Variants in RMST observed in about 807,000 individuals in gnomAD.
The protein encoded by RMST is rhabdomyosarcoma 2 associated transcript.
chr12:97,559,082 C>T (rs367557682), intron 11 of RMST, among the ~76,000 whole-genome samples: 1 of 137,086 alleles, frequency 7.3e-6, no homozygotes, highest in Non-Finnish European at 1.6e-5. Context: ...AATATGATTT[C>T]GAGGTTTCTC....
In RMST at chr12:97,521,663, T is replaced by C. The variant is rs192892734; in HGVS notation, n.1341-8992T>C. Among the ~76,000 whole-genome samples, 401 of 152,268 alleles carry C rather than the reference T, an allele frequency of 2.6e-3. 6 individuals carry two copies. Among genetic ancestry groups the C allele is most frequent in the South Asian group, 0.02 (95 of 4,830 alleles). ...CCTGAACTGGGGAGATTTTCATCAC[T>C]ATTTTTGTACTTCCCATATGGAATC... is the stretch of plus-strand genomic sequence containing the variant. On this transcript the variant is annotated intron_variant and non_coding_transcript_variant, in intron 10 of 13. Coordinates refer to ENST00000640149, the Ensembl canonical transcript of RMST.
chr12:97,506,706 T>C (rs1878713768), intron 10 of RMST, among the ~76,000 whole-genome samples: 3 of 140,518 alleles, frequency 2.1e-5, no homozygotes, highest in South Asian at 2.3e-4. Context: ...TTTTTGGAGA[T>C]GTAGTCTTGC....
At chr12:97,482,840 T>C (rs906280525) in intron 5 of RMST, among the ~76,000 whole-genome samples, 6 of 147,680 alleles carry the variant, frequency 4.1e-5, no homozygotes, top group Admixed American at 3.4e-4. Context: ...TAAATAAATT[T>C]ATTTATTTAT....
intron 11 of RMST, among the ~76,000 whole-genome samples, chr12:97,548,406 A>AT (rs989178521): frequency 3.9e-5 from 6 of 151,926 alleles, no homozygotes; most frequent in Non-Finnish European, 7.4e-5. Flanking sequence ...AAATTTTAGG[A>AT]TTTTTTTCTG....
At chr12:97,470,601 G>T (rs1371664431) in intron 5 of RMST, among the ~76,000 whole-genome samples, 1 of 151,960 alleles carries the variant, frequency 6.6e-6, no homozygotes, top group African/African-American at 2.4e-5. Flanking sequence ...ATACATTTTT[G>T]ATTCTTCCTG....
At chr12:97,533,612 C>CA (rs1222347799) in intron 11 of RMST, 2 of 151,718 alleles carry the variant, frequency 1.3e-5, no homozygotes, top group East Asian at 1.9e-4. Context: ...CACATTTCTT[C>CA]AAAAAACTGT....
intron 10 of RMST, among the ~76,000 whole-genome samples, chr12:97,520,634 GA>G (rs1357520785): frequency 6.6e-6 from 1 of 151,956 alleles, no homozygotes; most frequent in African/African-American, 2.4e-5. Context: ...AAACTTTCTT[GA>G]AAAATCCCCC....
intron 10 of RMST, among the ~76,000 whole-genome samples, chr12:97,496,555 G>T (rs1593180501): frequency 6.6e-6 from 1 of 152,104 alleles, no homozygotes; most frequent in East Asian, 1.9e-4. Context: ...GTCCTAAGTG[G>T]TAAGTATAAA....
intron 5 of RMST, among the ~76,000 whole-genome samples, chr12:97,485,588 C>T (rs1429333144): frequency 6.6e-6 from 1 of 152,130 alleles, no homozygotes; most frequent in Non-Finnish European, 1.5e-5. Flanking sequence ...CAAGCATCTG[C>T]CTGATAATTT....
At chr12:97,479,974 C>T (rs957644447) in intron 5 of RMST, among the ~76,000 whole-genome samples, 2 of 152,148 alleles carry the variant, frequency 1.3e-5, no homozygotes, top group African/African-American at 4.8e-5. Context: ...TCGACTCATT[C>T]ATCTAAACTA....
chr12:97,469,745 A>G (rs1873674282), intron 5 of RMST, among the ~76,000 whole-genome samples: 1 of 152,104 alleles, frequency 6.6e-6, no homozygotes, highest in African/African-American at 2.4e-5. Context: ...GATGTTCAGA[A>G]TAAAGCAGTG....
chr12:97,491,630 A>C, intron 5 of RMST: 1 of 218,280 alleles, frequency 4.6e-6, no homozygotes, highest in South Asian at 6.9e-5. Context: ...TTGTGCCACC[A>C]TTGTCTTGTT....
intron 5 of RMST, among the ~76,000 whole-genome samples, chr12:97,470,769 C>T (rs866246616): frequency 1.1e-4 from 16 of 151,972 alleles, no homozygotes; most frequent in African/African-American, 3.9e-4. Context: ...TTGTTTTACA[C>T]TCTAAGTGAT....
At chr12:97,561,736 C>T (rs1464294848) in intron 13 of RMST, among the ~76,000 whole-genome samples, 1 of 148,366 alleles carries the variant, frequency 6.7e-6, no homozygotes, top group East Asian at 2.1e-4. Context: ...AGGTCTACTC[C>T]CAGTAGCCCA....
chr12:97,511,402 G>A (rs2136513716), intron 10 of RMST, among the ~76,000 whole-genome samples: 1 of 152,212 alleles, frequency 6.6e-6, no homozygotes, highest in African/African-American at 2.4e-5. Context: ...ACCTGCCTCG[G>A]CCTCCCAAAG....
At chr12:97,518,359 T>A (rs1008385005) in intron 10 of RMST, among the ~76,000 whole-genome samples, 1 of 152,194 alleles carries the variant, frequency 6.6e-6, no homozygotes, top group African/African-American at 2.4e-5. Context: ...AAATTCTGAT[T>A]TGAACTTCTT....
At chr12:97,473,322 T>C (rs1368778401) in intron 5 of RMST, among the ~76,000 whole-genome samples, 2 of 152,136 alleles carry the variant, frequency 1.3e-5, no homozygotes, top group Non-Finnish European at 2.9e-5. Context: ...AATTCAACTG[T>C]CTAAAAATTA....
At chr12:97,546,974 T>G (rs1321177699) in intron 11 of RMST, among the ~76,000 whole-genome samples, 2 of 152,008 alleles carry the variant, frequency 1.3e-5, no homozygotes, top group Non-Finnish European at 2.9e-5. Context: ...CAGCTCCTGG[T>G]AACCACCATT....
intron 10 of RMST, among the ~76,000 whole-genome samples, chr12:97,521,377 G>A (rs2136550955): frequency 6.6e-6 from 1 of 152,086 alleles, no homozygotes; most frequent in South Asian, 2.1e-4. Flanking sequence ...TCCAAGAGGA[G>A]GAATATTGTG....
Sources: gnomAD v4.1 joint callset for allele counts (sites outside exome capture counted in the v4.1 genomes callset) on GRCh38, gnomAD v4.1.1 for gene constraint, MANE v1.5 for transcripts, NCBI Gene and HGNC (gene_info 2026-07-23, HGNC 2026-07-21) for gene names.